Variants in DOCK1 observed in about 807,000 individuals in gnomAD.
The protein encoded by DOCK1 is dedicator of cytokinesis protein 1.
Under a neutral mutation model 262.7 loss-of-function variants are expected in DOCK1, and 138 were observed. The observed-to-expected ratio is 0.53, with a 90% CI of 0.46 to 0.61. The LOEUF is 0.61. Among genes scored for constraint, DOCK1 ranks in the 20% least tolerant of loss-of-function variants. The probability of loss-of-function intolerance (pLI) is 0.00; values close to 1 mark genes in which losing one functional copy is unlikely to be tolerated. For synonymous variants in DOCK1, 866 were observed against 867.4 expected (o/e 1.00, Z 0.03); for missense variants, 1,908 against 2,370.7 (o/e 0.80, Z 4.05).
chr10:127,249,473 GTTGC>G (rs1452065308), intron 28 of DOCK1, among the ~76,000 whole-genome samples: 4 of 151,000 alleles, frequency 2.6e-5, no homozygotes, highest in Admixed American at 2.6e-4. Flanking sequence ...GCAGTCGTGT[GTTGC>G]TTAACAATTC....
At chr10:127,379,091 ACAT>A (rs2065687177) in intron 35 of DOCK1, among the ~76,000 whole-genome samples, 2 of 152,230 alleles carry the variant, frequency 1.3e-5, no homozygotes, top group Admixed American at 6.5e-5. Context: ...TAGAGGGCTA[ACAT>A]CATTTTTAGG....
chr10:127,266,666 C>T (rs763015335), intron 29 of DOCK1, among the ~76,000 whole-genome samples: 30 of 151,994 alleles, frequency 2.0e-4, no homozygotes, highest in Non-Finnish European at 3.4e-4. Context: ...CAGGTGCTCA[C>T]GATGAGATGT....
chr10:126,956,416 G>C (rs2036742219), intron 1 of DOCK1, among the ~76,000 whole-genome samples: 1 of 152,168 alleles, frequency 6.6e-6, no homozygotes, highest in Non-Finnish European at 1.5e-5. Context: ...AGAAGTGACT[G>C]TACCAGGTCC....
intron 1 of DOCK1, among the ~76,000 whole-genome samples, chr10:126,921,350 A>G (rs891006786): frequency 1.3e-5 from 2 of 152,216 alleles, no homozygotes; most frequent in Non-Finnish European, 2.9e-5. Flanking sequence ...ATAATGGAAT[A>G]TTATTCAGCC....
intron 29 of DOCK1, among the ~76,000 whole-genome samples, chr10:127,315,156 C>G (rs1054349732): frequency 6.6e-6 from 1 of 152,116 alleles, no homozygotes; most frequent in Non-Finnish European, 1.5e-5. Context: ...AGAGCTGCCC[C>G]CTCCTCCGTG....
chr10:127,335,161 G>T (rs965872465), intron 29 of DOCK1, among the ~76,000 whole-genome samples: 11 of 152,186 alleles, frequency 7.2e-5, no homozygotes, highest in Admixed American at 7.2e-4. Flanking sequence ...ACTTGGCACT[G>T]AGGACACTTA....
chr10:127,164,269 C>T (rs561726251), intron 27 of DOCK1, among the ~76,000 whole-genome samples: 64 of 143,718 alleles, frequency 4.5e-4, no homozygotes, highest in Non-Finnish European at 8.9e-4. Flanking sequence ...CTGCAAACTC[C>T]ACCTCCCAGG....
intron 29 of DOCK1, among the ~76,000 whole-genome samples, chr10:127,292,593 C>G (rs1024825656): frequency 2.6e-5 from 4 of 152,144 alleles, no homozygotes; most frequent in Admixed American, 6.5e-5. Flanking sequence ...TGGTAACTGA[C>G]AAATTGCAGG....
At chr10:127,390,613 G>T (rs892668716) in intron 38 of DOCK1, among the ~76,000 whole-genome samples, 3 of 152,106 alleles carry the variant, frequency 2.0e-5, no homozygotes, top group African/African-American at 7.2e-5. Context: ...ACAAGCCAAC[G>T]AGAGAGGACT....
intron 27 of DOCK1, among the ~76,000 whole-genome samples, chr10:127,178,469 T>C (rs1378664700): frequency 6.6e-6 from 1 of 152,124 alleles, no homozygotes; most frequent in South Asian, 2.1e-4. Flanking sequence ...TCCCTCCCAG[T>C]GTGACAACTA....
chr10:127,354,639 T>C (rs1486525868), intron 31 of DOCK1, 30 bp from the exon 32 acceptor site: 1 of 1,613,380 alleles, frequency 6.2e-7, no homozygotes, highest in South Asian at 1.1e-5. Flanking sequence ...TCCGGAGTGA[T>C]TCAGCGTTTT....
chr10:126,916,617 A>G (rs950192739), intron 1 of DOCK1, among the ~76,000 whole-genome samples: 15 of 152,000 alleles, frequency 9.9e-5, no homozygotes, highest in Admixed American at 3.3e-4. Context: ...GAAATAACTC[A>G]TTTCTTCCCT....
chr10:126,960,822 G>A (rs2037154924), intron 1 of DOCK1, among the ~76,000 whole-genome samples: 1 of 138,050 alleles, frequency 7.2e-6, no homozygotes, highest in Non-Finnish European at 1.5e-5. Context: ...AGATATATAC[G>A]TGTGTATATC....
intron 40 of DOCK1, among the ~76,000 whole-genome samples, chr10:127,406,172 T>C (rs1421833072): frequency 6.6e-6 from 1 of 152,158 alleles, no homozygotes; most frequent in African/African-American, 2.4e-5. Flanking sequence ...GATGGAGATC[T>C]ACCTCTGGTA....
Position 126,999,414 on chromosome 10 carries a change from T to A in DOCK1, c.828T>A (p.His276Gln). ...SGLPKDIDRL[H>Q]NLRAVFTDLG... The stretch of plus-strand genomic sequence containing the variant: ...TACCTAAAGACATAGACAGATTACA[T>A]AATTTGCGAGCCGTGTTTACTGTAA... The change falls in exon 9 of 52, where the codon CAT becomes CAA. Residue 276 changes from histidine (H) to glutamine (Q), a missense_variant. By Grantham distance (24) the His-to-Gln change is conservative. Transcript: ENST00000623213. 1 of 1,613,414 alleles carries A rather than the reference T, an allele frequency of 6.2e-7. No homozygotes were observed.
chr10:127,025,334 T>A (rs2042755594), intron 15 of DOCK1: 1 of 152,284 alleles, frequency 6.6e-6, no homozygotes, highest in Non-Finnish European at 1.5e-5. Context: ...TTAGGTCTTT[T>A]TTCTTTGAGT....
At chr10:127,279,684 A>G (rs2060873010) in intron 29 of DOCK1, among the ~76,000 whole-genome samples, 1 of 152,196 alleles carries the variant, frequency 6.6e-6, no homozygotes, top group African/African-American at 2.4e-5. Context: ...CCAGCACAGA[A>G]CAAAGGCCCC....
chr10:127,114,290 G>A (rs2132920603), intron 25 of DOCK1, among the ~76,000 whole-genome samples: 1 of 152,274 alleles, frequency 6.6e-6, no homozygotes, highest in East Asian at 1.9e-4. Flanking sequence ...CTAACCAGGA[G>A]GCAGTACAGA....
intron 27 of DOCK1, among the ~76,000 whole-genome samples, chr10:127,208,549 A>G (rs1184144324): frequency 6.6e-6 from 1 of 152,218 alleles, no homozygotes; most frequent in African/African-American, 2.4e-5. Context: ...ATATTAGCTT[A>G]ACATGAGTTT....
Sources: allele counts gnomAD v4.1 joint callset (sites outside exome capture counted in the v4.1 genomes callset), GRCh38; gene constraint gnomAD v4.1.1; transcripts MANE v1.5; gene names NCBI Gene and HGNC (gene_info 2026-07-23, HGNC 2026-07-21).